The following SCUBE2 variants were observed in gnomAD, a reference collection of about 807,000 sequenced individuals.
SCUBE2 encodes signal peptide, CUB and EGF-like domain-containing protein 2.
In SCUBE2, 114 loss-of-function variants were observed where a neutral mutation model predicts 125.9. The observed-to-expected ratio is 0.91, with a 90% confidence interval of 0.78 to 1.06. The LOEUF is 1.06. Among genes scored for constraint, SCUBE2 ranks in the 50% least tolerant of loss-of-function variants. The pLI is 0.00. For synonymous variants in SCUBE2, 459 were observed against 492.9 expected (o/e 0.93, Z 0.91); for missense variants, 1,255 against 1,301.8 (o/e 0.96, Z 0.55).
intron 16 of SCUBE2, among the ~76,000 whole-genome samples, chr11:9,044,778 T>G (rs1205985284): frequency 2.0e-5 from 3 of 152,182 alleles, no homozygotes; most frequent in Non-Finnish European, 2.9e-5. Context: ...TTCCAGTACC[T>G]TGGGGTTTTC....
intron 4 of SCUBE2, among the ~76,000 whole-genome samples, chr11:9,070,672 G>C (rs1001562232): frequency 1.3e-5 from 2 of 152,168 alleles, no homozygotes; most frequent in Non-Finnish European, 2.9e-5. Flanking sequence ...TCTATATTGT[G>C]CCCCTAAAAC....
intron 5 of SCUBE2, among the ~76,000 whole-genome samples, chr11:9,068,007 C>A (rs56277831): frequency 0.16 from 24,873 of 152,036 alleles, 2,255 homozygotes; most frequent in Middle Eastern, 0.24. Flanking sequence ...TCACTGGAAG[C>A]CCTCAGGGAC....
rs76577020 is a variant in SCUBE2, at chr11:9,031,781, T to C, written c.2174-856A>G. Among the ~76,000 whole-genome samples the C allele has an allele frequency of 1.2e-4, 18 of 152,338 alleles. 1 individual carries two copies. In the East Asian group the frequency reaches 3.5e-3, roughly 29 times the overall value. ...GCACATGTTCCTCAGGAATTAGTCATTGGCAAGATGCTATCAAAATCTGCT... is the reference window on the plus strand; with the variant it reads ...GCACATGTTCCTCAGGAATTAGTCACTGGCAAGATGCTATCAAAATCTGCT... On this transcript the variant is annotated intron_variant, in intron 17 of 22. Transcript: ENST00000649792.
At chr11:9,064,265 G>A (rs938653817) in intron 7 of SCUBE2, among the ~76,000 whole-genome samples, 2 of 152,082 alleles carry the variant, frequency 1.3e-5, no homozygotes, top group African/African-American at 4.8e-5. Flanking sequence ...CCAGGAGTTC[G>A]AGACCAGCCT....
At chr11:9,077,920 GC>G (rs1370038761) in intron 3 of SCUBE2, among the ~76,000 whole-genome samples, 1 of 152,190 alleles carries the variant, frequency 6.6e-6, no homozygotes, top group African/African-American at 2.4e-5. Flanking sequence ...ACCAGCCCTG[GC>G]CCAGGTTCCT....
At position 9,031,098 on chromosome 11, in the gene SCUBE2, C is replaced by G. The variant is rs114297792; in HGVS notation, c.2174-173G>C. The G allele has an allele frequency of 2.4e-4, 140 of 593,750 alleles. No individual in the cohort carries two copies. In the African/African-American group the frequency reaches 2.5e-3, roughly 11 times the overall value. 36.8% of individuals were successfully genotyped at this position (593,750 alleles called of 1,614,324 possible). A position where few individuals can be genotyped will look rare whatever the true frequency, so the allele number is the denominator to read the frequency against. ...GGTGCTTCTGACCCTGAGTCAATGG[C>G]ACATGAGTGCCTGCTGTTTACACAC... is the stretch of plus-strand genomic sequence containing the variant. On this transcript the variant is annotated intron_variant, in intron 17 of 22. Transcript: ENST00000649792.
At chr11:9,050,287 A>T (rs1257759119) in intron 14 of SCUBE2, 1 of 228,574 alleles carries the variant, frequency 4.4e-6, no homozygotes, top group Non-Finnish European at 8.5e-6. Context: ...AGAAAATTTA[A>T]CCCAATATGA....
At chr11:9,038,632 C>A (rs7124472) in intron 16 of SCUBE2, among the ~76,000 whole-genome samples, 82,066 of 151,806 alleles carry the variant, frequency 0.54, 23,026 homozygotes, top group Non-Finnish European at 0.63. Context: ...AACAAACAAA[C>A]AAACACAAAA....
At chr11:9,059,093 C>G (rs574477012) in intron 9 of SCUBE2, among the ~76,000 whole-genome samples, 1 of 152,118 alleles carries the variant, frequency 6.6e-6, no homozygotes, top group South Asian at 2.1e-4. Flanking sequence ...GTTCTCTAAC[C>G]ATTAACAGCT....
intron 19 of SCUBE2, among the ~76,000 whole-genome samples, chr11:9,029,377 CAT>C (rs1370468758): frequency 6.6e-6 from 1 of 152,178 alleles, no homozygotes; most frequent in Admixed American, 6.5e-5. Context: ...CTCTCTCAAA[CAT>C]AAGGCTCTTT....
At chr11:9,066,868 CTG>C in intron 5 of SCUBE2, 55 bp from the exon 6 acceptor site, 1 of 1,393,020 alleles carries the variant, frequency 7.2e-7, no homozygotes, top group South Asian at 1.2e-5. Context: ...AAACACAGGG[CTG>C]TGTTTGCTCC....
At chr11:9,032,151 C>G (rs1278782393) in intron 17 of SCUBE2, among the ~76,000 whole-genome samples, 7 of 150,328 alleles carry the variant, frequency 4.7e-5, no homozygotes, top group Non-Finnish European at 7.4e-5. Context: ...GAGACAGGGT[C>G]TCTGTTGCCT....
chr11:9,080,562 G>T (rs1198457115), intron 2 of SCUBE2, among the ~76,000 whole-genome samples: 3 of 151,418 alleles, frequency 2.0e-5, no homozygotes, highest in Non-Finnish European at 4.4e-5. Flanking sequence ...GAGGCAGGAG[G>T]ATTGCCTGAG....
chr11:9,023,416 T>C (rs1265326467), intron 21 of SCUBE2, among the ~76,000 whole-genome samples: 8 of 152,248 alleles, frequency 5.3e-5, no homozygotes, highest in African/African-American at 1.7e-4. Flanking sequence ...TCTTTTCATC[T>C]TGAATTCCTC....
intron 4 of SCUBE2, among the ~76,000 whole-genome samples, chr11:9,071,519 G>A (rs1400305201): frequency 6.6e-6 from 1 of 152,140 alleles, no homozygotes; most frequent in East Asian, 1.9e-4. Context: ...GACCACTGCT[G>A]GGGTGAGCAG....
At chr11:9,030,645 C>T (rs919002195) in intron 18 of SCUBE2, 113 bp downstream of exon 18, 1 of 1,122,380 alleles carries the variant, frequency 8.9e-7, no homozygotes, top group African/African-American at 1.6e-5. Context: ...GACCTGAACC[C>T]CCAGCCACTG....
intron 2 of SCUBE2, among the ~76,000 whole-genome samples, chr11:9,085,860 T>C (rs1336556758): frequency 6.6e-6 from 1 of 151,892 alleles, no homozygotes; most frequent in Non-Finnish European, 1.5e-5. Flanking sequence ...AGACAGAGTG[T>C]CTTGCTCTGT....
intron 7 of SCUBE2, among the ~76,000 whole-genome samples, chr11:9,061,165 T>C (rs1331910465): frequency 6.6e-6 from 1 of 152,178 alleles, no homozygotes; most frequent in Non-Finnish European, 1.5e-5. Context: ...TTAGTCCAAG[T>C]AATAGACAAG....
chr11:9,050,864 T>C (rs550454731), intron 13 of SCUBE2, among the ~76,000 whole-genome samples, 154 bp from the exon 14 acceptor site: 1 of 152,334 alleles, frequency 6.6e-6, no homozygotes, highest in African/African-American at 2.4e-5. Context: ...GCTTGGATCA[T>C]GGAGTGCCCA....
Sources: allele counts gnomAD v4.1 joint callset (sites outside exome capture counted in the v4.1 genomes callset), GRCh38; gene constraint gnomAD v4.1.1; transcripts MANE v1.5; gene names NCBI Gene and HGNC (gene_info 2026-07-23, HGNC 2026-07-21).